The following COLQ variants were observed in gnomAD, a reference collection of about 807,000 sequenced individuals.
COLQ encodes the protein collagen like tail subunit of asymmetric acetylcholinesterase.
Under a neutral mutation model 69.0 loss-of-function variants are expected in COLQ, and 48 were observed. The observed-to-expected ratio is 0.70, with a 90% confidence interval of 0.55 to 0.88. The LOEUF (loss-of-function observed/expected upper bound fraction) is 0.88. COLQ is among the 40% of genes least tolerant of loss of function. COLQ has a pLI of 0.00. For synonymous variants in COLQ, 217 were observed against 211.2 expected (o/e 1.03, Z -0.24); for missense variants, 618 against 594.6 (o/e 1.04, Z -0.41).
intron 1 of COLQ, among the ~76,000 whole-genome samples, chr3:15,502,377 A>G (rs977488006): frequency 1.3e-5 from 2 of 151,924 alleles, no homozygotes; most frequent in Non-Finnish European, 2.9e-5. Flanking sequence ...TCAGCCTCCC[A>G]AAGTGCTGGG....
intron 1 of COLQ, among the ~76,000 whole-genome samples, chr3:15,490,618 G>A (rs778446269): frequency 6.6e-6 from 1 of 152,214 alleles, no homozygotes; most frequent in Admixed American, 6.5e-5. Flanking sequence ...GTCCCACTGA[G>A]TGACTATATC....
intron 1 of COLQ, among the ~76,000 whole-genome samples, chr3:15,502,282 A>AT: frequency 6.6e-6 from 1 of 151,200 alleles, no homozygotes. Flanking sequence ...AGCCTGGCTA[A>AT]TTTTTTGTAT....
chr3:15,464,733 T>A (rs2062171043), intron 12 of COLQ, among the ~76,000 whole-genome samples: 1 of 152,256 alleles, frequency 6.6e-6, no homozygotes, highest in Non-Finnish European at 1.5e-5. Context: ...TTGGATTCCT[T>A]TTGTATAACT....
At chr3:15,476,735 C>A (rs1223313219) in intron 6 of COLQ, among the ~76,000 whole-genome samples, 1 of 152,202 alleles carries the variant, frequency 6.6e-6, no homozygotes, top group East Asian at 1.9e-4. Context: ...CATCCTTCAG[C>A]CAGCCAACAC....
At chr3:15,498,641 T>A in intron 1 of COLQ, 1 of 1,551,164 alleles carries the variant, frequency 6.4e-7, no homozygotes. Flanking sequence ...GGAGACAGGC[T>A]GAGATTCGTC....
chr3:15,450,467 T>C lies in COLQ; in HGVS notation c.*1177A>G, dbSNP rs886234438. The stretch of plus-strand genomic sequence containing the variant: ...GGCAATTTCTACTTGAGGTCTGCTG[T>C]GGGGGTGGACCTCACCTTGGAGATG... On this transcript the variant is annotated 3_prime_UTR_variant, in exon 17 of 17. Coordinates refer to ENST00000383788, the MANE Select transcript of COLQ (RefSeq NM_005677.4). 2 of 153,696 alleles carry C rather than the reference T, an allele frequency of 1.3e-5. No homozygotes were observed. Among genetic ancestry groups the C allele is most frequent in the African/African-American group, 4.8e-5 (2 of 41,416 alleles). 9.5% of individuals were successfully genotyped at this position (153,696 alleles called of 1,614,324 possible).
intron 12 of COLQ, among the ~76,000 whole-genome samples, chr3:15,463,057 C>T (rs1438200296): frequency 6.6e-6 from 1 of 152,072 alleles, no homozygotes; most frequent in African/African-American, 2.4e-5. Flanking sequence ...GCTAAGAGGA[C>T]AGGATTGCAA....
intron 1 of COLQ, among the ~76,000 whole-genome samples, chr3:15,507,110 T>C (rs1395761213): frequency 6.6e-6 from 1 of 152,064 alleles, no homozygotes; most frequent in Non-Finnish European, 1.5e-5. Context: ...CACTTTCTTT[T>C]CTATGGCTGC....
At chr3:15,511,211 G>A (rs1227059354) in intron 1 of COLQ, among the ~76,000 whole-genome samples, 2 of 152,200 alleles carry the variant, frequency 1.3e-5, no homozygotes, top group East Asian at 1.9e-4. Context: ...CACTACAGAT[G>A]TGTCCTAATT....
Position 15,455,874 on chromosome 3 carries a change from TCCTCCTGGTCTGGG to T in COLQ, c.1195+11_1195+24del, listed in dbSNP as rs1350570160. 1 of 1,613,842 alleles carries T rather than the reference TCCTCCTGGTCTGGG, an allele frequency of 6.2e-7. No individual in the cohort carries two copies. Among genetic ancestry groups the T allele is most frequent in the East Asian group, 2.2e-5 (1 of 44,864 alleles). On this transcript the variant is annotated intron_variant, in intron 15 of 16. Coordinates refer to ENST00000383788, the MANE Select transcript of COLQ (RefSeq NM_005677.4). ...ACCCCCCTGCTGTTCAGGCCTCAGG[TCCTCCTGGTCTGGG>T]CCTCACTCACGGATGCAGTCGTCAC... is the stretch of plus-strand genomic sequence containing the variant.
intron 14 of COLQ, 48 bp from the exon 15 acceptor site, chr3:15,456,067 C>A (rs747882952): frequency 5.6e-6 from 9 of 1,610,164 alleles, no homozygotes; most frequent in Non-Finnish European, 7.6e-6. Context: ...CATACCCAGG[C>A]AGCCGCAGGC....
intron 1 of COLQ, among the ~76,000 whole-genome samples, chr3:15,509,850 T>A (rs750713328): frequency 2.0e-5 from 3 of 152,196 alleles, no homozygotes; most frequent in Non-Finnish European, 4.4e-5. Flanking sequence ...AGAGTCTCAG[T>A]TCTGAAACTG....
chr3:15,476,226 G>C lies in COLQ; in HGVS notation c.466-739C>G, dbSNP rs773196172. 8.5e-4 allele frequency among the ~76,000 whole-genome samples: 129 copies of C among 152,136 alleles called. 1 individual carries two copies. Among genetic ancestry groups the C allele is most frequent in the Non-Finnish European group, 2.4e-4 (16 of 68,034 alleles). ...ATCCAAAATATTTAATCTGTACTTAGAGATCATAAAATTTATAGTTGAAAA... is the reference window on the plus strand; with the variant it reads ...ATCCAAAATATTTAATCTGTACTTACAGATCATAAAATTTATAGTTGAAAA... On this transcript the variant is annotated intron_variant, in intron 6 of 16. Coordinates refer to ENST00000383788, the MANE Select transcript of COLQ (RefSeq NM_005677.4).
At chr3:15,461,809 C>A (rs1037672029) in intron 12 of COLQ, among the ~76,000 whole-genome samples, 8 of 151,954 alleles carry the variant, frequency 5.3e-5, no homozygotes, top group Non-Finnish European at 1.5e-5. Context: ...CACGATGGCG[C>A]TGGGACAGGG....
intron 3 of COLQ, among the ~76,000 whole-genome samples, chr3:15,486,841 G>A (rs1486086388): frequency 1.3e-5 from 2 of 152,172 alleles, no homozygotes; most frequent in Admixed American, 1.3e-4. Context: ...ACAGACCAAG[G>A]TTTGATACAG....
chr3:15,475,304 C>T, intron 7 of COLQ, 121 bp downstream of exon 7: 2 of 1,004,504 alleles, frequency 2.0e-6, no homozygotes, highest in South Asian at 2.7e-5. Context: ...GCAGGCTCTC[C>T]AATATCCGCG....
Position 15,456,545 on chromosome 3 carries a change from C to A in COLQ, c.989G>T (p.Arg330Met). The change falls in exon 14 of 17, where the codon AGG becomes ATG. Residue 330 changes from arginine (R) to methionine (M), a missense_variant. Arg to Met is a moderately conservative substitution (Grantham distance 91, BLOSUM62 -1). Transcript: ENST00000383788. ...GGCAATGGCGTTTTGGGTGTTCAGC[C>A]TCTCAAGCTCCTCCTGGTTGTTGAC... ...FVVNNQEELE[R>M]LNTQNAIAFR... The A allele has an allele frequency of 6.2e-7, 1 of 1,614,164 alleles. No homozygotes were observed.
rs758554049 is a variant in COLQ at position 15,456,508 on chromosome 3, G to T, written c.1026C>A (p.Asp342Glu). ...TGTCCTTGAAGTACAGAGATCTCTG[G>T]TCTCTGCGGAAGGCAATGGCGTTTT... ...NTQNAIAFRR[D>E]QRSLYFKDSL... The change falls in exon 14 of 17, where the codon GAC becomes GAA. Residue 342 changes from aspartate to glutamate, a missense_variant. Physicochemically the swap from Asp to Glu is conservative, Grantham distance 45 (BLOSUM62 2). Transcript: ENST00000383788. 6.8e-6 allele frequency: 11 copies of T among 1,614,184 alleles called. No individual in the cohort carries two copies. The highest frequency in any genetic ancestry group is 9.3e-6 in the Non-Finnish European group (11 of 1,180,016).
chr3:15,450,471 G>T lies in COLQ; in HGVS notation c.*1173C>A, dbSNP rs2061926122. 1 of 153,740 alleles carries T rather than the reference G, an allele frequency of 6.5e-6. No homozygotes were observed. Among genetic ancestry groups the T allele is most frequent in the African/African-American group, 2.4e-5 (1 of 41,426 alleles). The allele number at this position is 153,740 out of a possible 1,614,324, so 9.5% of individuals were successfully genotyped here. A position where few individuals can be genotyped will look rare whatever the true frequency, so the allele number is the denominator to read the frequency against. On this transcript the variant is annotated 3_prime_UTR_variant, in exon 17 of 17. Transcript: ENST00000383788. ...ATTTCTACTTGAGGTCTGCTGTGGG[G>T]GTGGACCTCACCTTGGAGATGTCTT...
Sources: allele counts gnomAD v4.1 joint callset (sites outside exome capture counted in the v4.1 genomes callset), GRCh38; gene constraint gnomAD v4.1.1; transcripts MANE v1.5; gene names NCBI Gene and HGNC (gene_info 2026-07-23, HGNC 2026-07-21).